The following SMYD3 variants were observed in gnomAD, a reference collection of about 807,000 sequenced individuals.
The protein encoded by SMYD3 is SET and MYND domain containing 3.
A neutral mutation model predicts 57.7 loss-of-function variants in SMYD3; 36 were observed. That is an observed-to-expected ratio of 0.62 (90% confidence interval 0.48 to 0.82). The LOEUF (loss-of-function observed/expected upper bound fraction) is 0.82, where lower values mean the gene tolerates loss of function less well. Among genes scored for constraint, SMYD3 ranks in the 40% least tolerant of loss-of-function variants. The probability of loss-of-function intolerance (pLI) is 0.00; values close to 1 mark genes in which losing one functional copy is unlikely to be tolerated. For synonymous variants in SMYD3, 211 were observed against 195.0 expected (o/e 1.08, Z -0.68); for missense variants, 515 against 538.8 (o/e 0.96, Z 0.44).
chr1:246,342,561 T>G (rs540409497), intron 2 of SMYD3, among the ~76,000 whole-genome samples: 1 of 152,322 alleles, frequency 6.6e-6, no homozygotes, highest in South Asian at 2.1e-4. Context: ...AGGTATTGAT[T>G]AAGATCTTGC....
At chr1:245,788,877 CTAAT>C (rs1218768027) in intron 10 of SMYD3, 2 of 152,230 alleles carry the variant, frequency 1.3e-5, no homozygotes, top group African/African-American at 4.8e-5. Context: ...ACTTATGACT[CTAAT>C]TATGTGCCAA....
chr1:245,867,670 A>G (rs866868902), intron 8 of SMYD3, among the ~76,000 whole-genome samples: 27 of 145,848 alleles, frequency 1.9e-4, no homozygotes, highest in African/African-American at 7.5e-4. Context: ...GTGCGCGCGC[A>G]CACACACACA....
At chr1:245,921,973 G>A (rs540378613) in intron 7 of SMYD3, among the ~76,000 whole-genome samples, 5 of 151,966 alleles carry the variant, frequency 3.3e-5, no homozygotes, top group Non-Finnish European at 5.9e-5. Flanking sequence ...TGTGCCCCCT[G>A]AATCTAAAAT....
At chr1:246,021,658 C>T (rs1250692875) in intron 5 of SMYD3, among the ~76,000 whole-genome samples, 5 of 152,206 alleles carry the variant, frequency 3.3e-5, no homozygotes, top group Non-Finnish European at 7.3e-5. Flanking sequence ...AGCCTCCCTA[C>T]ACCCTGATTA....
At chr1:246,443,900 C>G (rs79049677) in intron 1 of SMYD3, among the ~76,000 whole-genome samples, 2,416 of 152,186 alleles carry the variant, frequency 0.016, 27 homozygotes, top group Middle Eastern at 0.058. Flanking sequence ...TACTTTCTGT[C>G]AAAAAATTCA....
chr1:245,858,521 C>T lies in SMYD3; in HGVS notation c.1051G>A (p.Gly351Ser), dbSNP rs1435733310. 6.2e-7 allele frequency: 1 copy of T among 1,614,010 alleles called. No individual in the cohort carries two copies. The highest frequency in any genetic ancestry group is 1.3e-5 in the African/African-American group (1 of 74,914). Residue 351 changes from glycine (G) to serine (S), a missense_variant, in exon 10 of 12, where the codon GGT becomes AGT. Coordinates refer to ENST00000490107, the MANE Select transcript of SMYD3 (RefSeq NM_001167740.2). ...LGLLEEALFY[G>S]TRTMEPYRIF... Reference sequence around the variant, plus strand: ...CTGTATGGCTCCATGGTCCGAGTACCATAGAACAAGGCTTCCTCCAACAGG... The same window carrying T: ...CTGTATGGCTCCATGGTCCGAGTACTATAGAACAAGGCTTCCTCCAACAGG...
intron 5 of SMYD3, among the ~76,000 whole-genome samples, chr1:245,944,084 C>T (rs2057354122): frequency 6.6e-6 from 1 of 152,122 alleles, no homozygotes; most frequent in African/African-American, 2.4e-5. Flanking sequence ...TGGCACAAGA[C>T]AAGGATGCCC....
chr1:246,356,007 C>A lies in SMYD3; in HGVS notation c.165-913G>T, dbSNP rs192451387. On this transcript the variant is annotated intron_variant, in intron 1 of 11. Coordinates refer to ENST00000490107, the MANE Select transcript of SMYD3 (RefSeq NM_001167740.2). ...ACAGCTGATGTGTTCCTGAAAGCAC[C>A]AACTCCTGGCTGGAGGCCAACCAAC... Among the ~76,000 whole-genome samples, 510 of 152,240 alleles carry A rather than the reference C, an allele frequency of 3.3e-3. 3 individuals are homozygous for A. Among genetic ancestry groups the A allele is most frequent in the Non-Finnish European group, 5.7e-3 (387 of 68,018 alleles).
intron 5 of SMYD3, among the ~76,000 whole-genome samples, chr1:246,066,503 A>G (rs967529447): frequency 2.6e-5 from 4 of 152,242 alleles, no homozygotes; most frequent in Non-Finnish European, 5.9e-5. Context: ...GCACTGCTAA[A>G]TAAGTACAGA....
At chr1:246,375,579 A>T (rs1360243956) in intron 1 of SMYD3, among the ~76,000 whole-genome samples, 4 of 152,344 alleles carry the variant, frequency 2.6e-5, no homozygotes, top group Admixed American at 6.5e-5. Flanking sequence ...AAGATGTTCT[A>T]CATTCTAGCA....
chr1:246,444,893 T>C (rs2067530317), intron 1 of SMYD3, among the ~76,000 whole-genome samples: 1 of 152,134 alleles, frequency 6.6e-6, no homozygotes, highest in Non-Finnish European at 1.5e-5. Flanking sequence ...GATACGCAAA[T>C]TTGACATAGG....
chr1:245,761,102 A>G lies in SMYD3; in HGVS notation c.1185+2939T>C, dbSNP rs138870159. ...TGTTTGCTCCTTGGTTGATCATCAG[A>G]CCTTGGCAAGAGACTCAATGACTTT... On this transcript the variant is annotated intron_variant, in intron 11 of 11. Coordinates refer to ENST00000490107, the MANE Select transcript of SMYD3 (RefSeq NM_001167740.2). Among the ~76,000 whole-genome samples, 1,333 of 152,282 alleles carry G rather than the reference A, an allele frequency of 8.8e-3. 6 individuals are homozygous for G. Among genetic ancestry groups the G allele is most frequent in the Middle Eastern group, 0.037 (11 of 294 alleles).
intron 5 of SMYD3, among the ~76,000 whole-genome samples, chr1:246,313,836 C>A (rs2065116934): frequency 1.3e-5 from 2 of 152,112 alleles, no homozygotes; most frequent in Admixed American, 1.3e-4. Flanking sequence ...ATGTTTAAAT[C>A]TATAAATGCA....
rs148960943 is a variant in SMYD3, at chr1:246,482,032, C to G, written c.164+25022G>C. Among the ~76,000 whole-genome samples, 443 of 151,998 alleles carry G rather than the reference C, an allele frequency of 2.9e-3. 1 individual carries two copies. Among genetic ancestry groups the G allele is most frequent in the African/African-American group, 9.9e-3 (410 of 41,460 alleles). Reference sequence around the variant, plus strand: ...AATTAGCCAGGAATGGTGGTGTACACCTGTAGTCCCAGCTACTGGGAAGGC... The same window carrying G: ...AATTAGCCAGGAATGGTGGTGTACAGCTGTAGTCCCAGCTACTGGGAAGGC... On this transcript the variant is annotated intron_variant, in intron 1 of 11. Coordinates refer to ENST00000490107, the MANE Select transcript of SMYD3 (RefSeq NM_001167740.2).
rs2063544915 is a variant in SMYD3 at position 246,238,360 on chromosome 1, T to C, written c.531+88841A>G. Among the ~76,000 whole-genome samples the C allele has an allele frequency of 1.3e-5, 2 of 152,196 alleles. 1 individual carries two copies. Among genetic ancestry groups the C allele is most frequent in the South Asian group, 4.1e-4 (2 of 4,826 alleles). On this transcript the variant is annotated intron_variant, in intron 5 of 11. Coordinates refer to ENST00000490107, the MANE Select transcript of SMYD3 (RefSeq NM_001167740.2). ...TTCAACGATGCATTCCTATATTTAC[T>C]TCTTGACTTTTGTTACAGCATTATT...
chr1:245,968,722 C>T (rs951373313), intron 5 of SMYD3, among the ~76,000 whole-genome samples: 3 of 152,178 alleles, frequency 2.0e-5, no homozygotes, highest in Non-Finnish European at 4.4e-5. Context: ...CACAATGGTA[C>T]CTGTGTTGCA....
At chr1:245,863,068 A>T (rs1258361176) in intron 9 of SMYD3, among the ~76,000 whole-genome samples, 1 of 152,200 alleles carries the variant, frequency 6.6e-6, no homozygotes, top group Admixed American at 6.5e-5. Flanking sequence ...ATATAAATTT[A>T]CCCCAGAGCC....
At chr1:246,457,830 G>T (rs905920932) in intron 1 of SMYD3, among the ~76,000 whole-genome samples, 2 of 152,184 alleles carry the variant, frequency 1.3e-5, no homozygotes, top group African/African-American at 4.8e-5. Flanking sequence ...TCTTCAGTAA[G>T]GCTATTTATA....
At chr1:245,816,515 T>G in intron 10 of SMYD3, among the ~76,000 whole-genome samples, 1 of 69,254 alleles carries the variant, frequency 1.4e-5, no homozygotes. Flanking sequence ...CCTTCATCTA[T>G]GTAAAAAAAA....
Sources: allele counts gnomAD v4.1 joint callset (sites outside exome capture counted in the v4.1 genomes callset), GRCh38; gene constraint gnomAD v4.1.1; transcripts MANE v1.5; gene names NCBI Gene and HGNC (gene_info 2026-07-23, HGNC 2026-07-21).